CDKL3: variants seen among roughly 807,000 people sequenced by gnomAD.
The protein encoded by CDKL3 is cyclin dependent kinase like 3, also known as cyclin-dependent kinase-like 3.
CDKL3 carries 65 observed loss-of-function variants against 69.3 expected under a neutral mutation model. That is an observed-to-expected ratio of 0.94 (90% CI 0.77 to 1.15). The LOEUF is 1.15. Among genes scored for constraint, CDKL3 ranks in the 50% most tolerant of loss-of-function variants. The pLI is 0.00. For synonymous variants in CDKL3, 202 were observed against 221.6 expected, an observed-to-expected ratio of 0.91 and a Z score of 0.79; for missense variants, 652 against 689.2, an observed-to-expected ratio of 0.95 and a Z score of 0.61.
intron 3 of CDKL3, among the ~76,000 whole-genome samples, chr5:134,356,844 G>A (rs1754731526): frequency 6.6e-6 from 1 of 152,130 alleles, no homozygotes; most frequent in Non-Finnish European, 1.5e-5. Context: ...CAAATGGTTA[G>A]TTTTGTTTTA....
At chr5:134,344,359 C>T (rs923523492) in intron 4 of CDKL3, among the ~76,000 whole-genome samples, 1 of 151,742 alleles carries the variant, frequency 6.6e-6, no homozygotes, top group African/African-American at 2.4e-5. Flanking sequence ...AAGACACAAC[C>T]CATAAAATGG....
In CDKL3 at chr5:134,347,698, A is replaced by G. The variant is rs1462418621; in HGVS notation, c.539+2551T>C. On this transcript the variant is annotated intron_variant, in intron 4 of 12. Transcript: ENST00000265334. ...CAAATGGCAAAACCCCATCTCTGCT[A>G]AAAAAAAAAAAAAAAAAAAAAAAGA... Among the ~76,000 whole-genome samples, 6 of 105,106 alleles carry G rather than the reference A, an allele frequency of 5.7e-5. No individual in the cohort carries two copies. In the East Asian group the frequency reaches 1.3e-3, roughly 22 times the overall value. The allele number at this position is 105,106 out of a possible 152,430, so 69.0% of individuals were successfully genotyped here.
At position 134,360,030 on chromosome 5, in the gene CDKL3, T is replaced by A; in HGVS notation, c.227A>T (p.His76Leu). 2 of 1,555,164 alleles carry A rather than the reference T, an allele frequency of 1.3e-6. 1 individual carries two copies. The highest frequency in any genetic ancestry group is 2.4e-5 in the South Asian group (2 of 83,616). Residue 76 changes from histidine to leucine, a missense_variant, in exon 3 of 13, where the codon CAT becomes CTT. By Grantham distance (99) the His-to-Leu change is moderately conservative (BLOSUM62 -3). Coordinates refer to ENST00000265334, the MANE Select transcript of CDKL3 (RefSeq NM_001113575.2). Reference protein sequence around the residue: ...IEVFRQKKKIHLVFEFIDHTV... With the variant: ...IEVFRQKKKILLVFEFIDHTV... ...GTGGTCAATAAATTCAAATACCAAATGAATTTTCTTTTTCTGTCTAAAAAC... is the reference window on the plus strand; with the variant it reads ...GTGGTCAATAAATTCAAATACCAAAAGAATTTTCTTTTTCTGTCTAAAAAC...
chr5:134,284,248 AAG>A (rs1168455893), downstream of CDKL3, among the ~76,000 whole-genome samples: 2 of 152,192 alleles, frequency 1.3e-5, no homozygotes, highest in Non-Finnish European at 2.9e-5. Flanking sequence ...AAGAGTACAA[AAG>A]AGAGAAATTT....
intron 1 of CDKL3, 25 bp from the exon 2 acceptor site, chr5:134,366,569 T>A: frequency 3.6e-6 from 5 of 1,404,710 alleles, no homozygotes; most frequent in Non-Finnish European, 4.9e-6. Flanking sequence ...AGAAAGAAAA[T>A]GGAAAATGTT....
intron 3 of CDKL3, among the ~76,000 whole-genome samples, chr5:134,357,294 A>G (rs772487150): frequency 1.9e-4 from 29 of 152,060 alleles, no homozygotes; most frequent in Non-Finnish European, 3.8e-4. Context: ...AAATACAAAA[A>G]TTAGCCGGGC....
chr5:134,338,138 G>A (rs1384541346), intron 4 of CDKL3, among the ~76,000 whole-genome samples: 1 of 152,072 alleles, frequency 6.6e-6, no homozygotes, highest in Non-Finnish European at 1.5e-5. Context: ...AAGGAAGTGA[G>A]AGGGAGTAAA....
intron 12 of CDKL3, among the ~76,000 whole-genome samples, chr5:134,300,774 T>C (rs1766105923): frequency 6.6e-6 from 1 of 152,056 alleles, no homozygotes; most frequent in African/African-American, 2.4e-5. Context: ...TTTCCTGGAC[T>C]AGAAAGTAAT....
intron 4 of CDKL3, among the ~76,000 whole-genome samples, chr5:134,329,017 T>C (rs962917402): frequency 6.6e-6 from 1 of 152,196 alleles, no homozygotes; most frequent in African/African-American, 2.4e-5. Flanking sequence ...TTCTTAAGAC[T>C]GAAAGCAAGT....
intron 7 of CDKL3, among the ~76,000 whole-genome samples, chr5:134,311,799 C>T (rs1295368637): frequency 6.6e-6 from 1 of 151,930 alleles, no homozygotes; most frequent in Admixed American, 6.6e-5. Context: ...ATTAGACTTT[C>T]TTTTTCTTTT....
chr5:134,315,251 G>A (rs899520373), intron 6 of CDKL3, among the ~76,000 whole-genome samples: 9 of 151,482 alleles, frequency 5.9e-5, no homozygotes, highest in African/African-American at 9.7e-5. Context: ...CAAACATATT[G>A]CAAAACTTAT....
intron 4 of CDKL3, among the ~76,000 whole-genome samples, chr5:134,329,497 A>T (rs1415631183): frequency 6.6e-6 from 1 of 151,780 alleles, no homozygotes; most frequent in African/African-American, 2.4e-5. Flanking sequence ...TTTTTGAGAC[A>T]GAGTCTCGCT....
chr5:134,337,162 C>T (rs1362136281), intron 4 of CDKL3, among the ~76,000 whole-genome samples: 2 of 152,202 alleles, frequency 1.3e-5, no homozygotes, highest in African/African-American at 4.8e-5. Flanking sequence ...GAGCCAGGCA[C>T]GGGAGAGAAT....
chr5:134,365,543 G>A (rs1757208871), intron 2 of CDKL3, among the ~76,000 whole-genome samples: 1 of 152,040 alleles, frequency 6.6e-6, no homozygotes, highest in African/African-American at 2.4e-5. Context: ...ACTCCTAACA[G>A]ACCTATTTTT....
At chr5:134,338,447 T>C (rs1230713228) in intron 4 of CDKL3, among the ~76,000 whole-genome samples, 1 of 151,928 alleles carries the variant, frequency 6.6e-6, no homozygotes, top group Non-Finnish European at 1.5e-5. Context: ...CCCAAAACTT[T>C]GGGAGGCTGA....
chr5:134,353,645 G>A (rs550194586), intron 3 of CDKL3, among the ~76,000 whole-genome samples: 46 of 150,840 alleles, frequency 3.0e-4, no homozygotes, highest in Middle Eastern at 3.5e-3. Context: ...TCTGGCTCCC[G>A]GGTTCAAGCT....
At chr5:134,317,628 T>G (rs1771513092) in intron 6 of CDKL3, among the ~76,000 whole-genome samples, 2 of 151,336 alleles carry the variant, frequency 1.3e-5, no homozygotes, top group South Asian at 4.2e-4. Context: ...TAAAAAATAA[T>G]TAATTTTTTT....
chr5:134,289,676 T>A (rs1318682170), intron 8 of CDKL3, among the ~76,000 whole-genome samples: 1 of 152,136 alleles, frequency 6.6e-6, no homozygotes, highest in Non-Finnish European at 1.5e-5. Flanking sequence ...TCTGTTAGGG[T>A]CAGAGGGTGA....
upstream of CDKL3, among the ~76,000 whole-genome samples, chr5:134,368,998 A>C (rs1297091378): frequency 6.6e-6 from 1 of 152,106 alleles, no homozygotes; most frequent in Non-Finnish European, 1.5e-5. Flanking sequence ...CTGCACTCCA[A>C]CCTGGGTGAC....
Sources: allele counts gnomAD v4.1 joint callset (sites outside exome capture counted in the v4.1 genomes callset), GRCh38; gene constraint gnomAD v4.1.1; transcripts MANE v1.5; gene names NCBI Gene and HGNC (gene_info 2026-07-23, HGNC 2026-07-21).